The following HS6ST3 variants were observed in gnomAD, a reference collection of about 807,000 sequenced individuals.
The protein encoded by HS6ST3 is heparan-sulfate 6-O-sulfotransferase 3.
HS6ST3 carries 12 observed loss-of-function variants against 36.7 expected under a neutral mutation model. The ratio of observed to expected loss-of-function variants is 0.33; its 90% CI spans 0.21 to 0.53. The LOEUF is 0.53. Among genes scored for constraint, HS6ST3 ranks in the 20% least tolerant of loss-of-function variants. The probability of loss-of-function intolerance (pLI) is 0.95; values close to 1 mark genes in which losing one functional copy is unlikely to be tolerated. For missense variants in HS6ST3, 584 were observed against 640.9 expected (o/e 0.91, Z 0.96); for synonymous variants, 240 against 257.5 (o/e 0.93, Z 0.65).
chr13:96,333,870 C>T (rs980297732), intron 1 of HS6ST3, among the ~76,000 whole-genome samples: 1 of 152,024 alleles, frequency 6.6e-6, no homozygotes, highest in African/African-American at 2.4e-5. Context: ...GACAGGGTAA[C>T]AGCAAGCTGG....
At chr13:96,130,607 A>C in intron 1 of HS6ST3, among the ~76,000 whole-genome samples, 1 of 152,170 alleles carries the variant, frequency 6.6e-6, no homozygotes, top group Admixed American at 6.5e-5. Flanking sequence ...CTAACCAATC[A>C]TTGTGAACTT....
intron 1 of HS6ST3, among the ~76,000 whole-genome samples, chr13:96,614,021 G>A (rs955736496): frequency 2.0e-5 from 3 of 152,134 alleles, no homozygotes; most frequent in Non-Finnish European, 2.9e-5. Flanking sequence ...TTACTGGGCC[G>A]GGCGCGGTGG....
intron 1 of HS6ST3, among the ~76,000 whole-genome samples, chr13:96,637,048 C>A (rs1328196047): frequency 1.3e-5 from 2 of 151,484 alleles, no homozygotes; most frequent in African/African-American, 2.4e-5. Context: ...TAATTTCATC[C>A]TAGAAATTAT....
intron 1 of HS6ST3, among the ~76,000 whole-genome samples, chr13:96,406,170 A>G (rs922894628): frequency 6.6e-6 from 1 of 152,184 alleles, no homozygotes; most frequent in Non-Finnish European, 1.5e-5. Flanking sequence ...AGCATTTTCT[A>G]ATCAGTTTTA....
In HS6ST3 at chr13:96,509,477, C is replaced by T. The variant is rs72641864; in HGVS notation, c.708-323013C>T. Among the ~76,000 whole-genome samples the T allele has an allele frequency of 5.3e-3, 811 of 152,138 alleles. 7 individuals are homozygous for T. The highest frequency in any genetic ancestry group is 0.02 in the Middle Eastern group (6 of 294). ...GTCTTATAGAATGTTTATAGTTTCACGTCTTATATTTAAATCTTTGATCCA... is the reference window on the plus strand; with the variant it reads ...GTCTTATAGAATGTTTATAGTTTCATGTCTTATATTTAAATCTTTGATCCA... On this transcript the variant is annotated intron_variant, in intron 1 of 1. Coordinates refer to ENST00000376705, the MANE Select transcript of HS6ST3 (RefSeq NM_153456.4).
intron 1 of HS6ST3, among the ~76,000 whole-genome samples, chr13:96,275,398 G>C (rs1217654532): frequency 6.6e-6 from 1 of 152,070 alleles, no homozygotes; most frequent in Non-Finnish European, 1.5e-5. Flanking sequence ...GTTCATTTAT[G>C]TTTATACAAC....
chr13:96,324,284 A>G (rs1232168706), intron 1 of HS6ST3, among the ~76,000 whole-genome samples: 2 of 152,158 alleles, frequency 1.3e-5, no homozygotes, highest in Non-Finnish European at 2.9e-5. Flanking sequence ...TTTTTGGTAT[A>G]TTAAAGAATC....
At chr13:96,515,069 C>A (rs761399299) in intron 1 of HS6ST3, among the ~76,000 whole-genome samples, 1 of 152,218 alleles carries the variant, frequency 6.6e-6, no homozygotes, top group African/African-American at 2.4e-5. Context: ...TCTATGTGCA[C>A]CTTTGCCTGG....
chr13:96,344,876 A>G (rs1434045885), intron 1 of HS6ST3, among the ~76,000 whole-genome samples: 3 of 152,202 alleles, frequency 2.0e-5, no homozygotes, highest in South Asian at 2.1e-4. Context: ...ATCTTATGAC[A>G]TGATCTTGTA....
intron 1 of HS6ST3, among the ~76,000 whole-genome samples, chr13:96,705,728 A>G (rs1875402868): frequency 6.6e-6 from 1 of 152,144 alleles, no homozygotes; most frequent in Non-Finnish European, 1.5e-5. Context: ...GGAACCTCAC[A>G]GGCAAGCAAA....
Position 96,192,584 on chromosome 13 carries a change from G to A in HS6ST3, c.707+101015G>A, listed in dbSNP as rs189002822. ...TTTTCACTCTTTTTTTTATGGCTGT[G>A]TATATTCCATGGGATGGATATATAT... On this transcript the variant is annotated intron_variant, in intron 1 of 1. Coordinates refer to ENST00000376705, the MANE Select transcript of HS6ST3 (RefSeq NM_153456.4). Among the ~76,000 whole-genome samples the A allele has an allele frequency of 3.0e-3, 401 of 135,042 alleles. 4 individuals are homozygous for A. The highest frequency in any genetic ancestry group is 0.011 in the African/African-American group (394 of 35,492). The allele number at this position is 135,042 out of a possible 152,430, so 88.6% of individuals were successfully genotyped here.
At chr13:96,319,259 A>T (rs1259728424) in intron 1 of HS6ST3, among the ~76,000 whole-genome samples, 1 of 152,162 alleles carries the variant, frequency 6.6e-6, no homozygotes, top group Non-Finnish European at 1.5e-5. Context: ...AACTTATCAC[A>T]ATATTTAACT....
At chr13:96,637,615 G>A (rs2056554390) in intron 1 of HS6ST3, among the ~76,000 whole-genome samples, 1 of 151,946 alleles carries the variant, frequency 6.6e-6, no homozygotes, top group South Asian at 2.1e-4. Flanking sequence ...TTAAGAGCAA[G>A]GCCTTAGAAG....
chr13:96,545,595 AAG>A (rs1349509258), intron 1 of HS6ST3, among the ~76,000 whole-genome samples: 1 of 152,216 alleles, frequency 6.6e-6, no homozygotes, highest in Non-Finnish European at 1.5e-5. Context: ...ATAACTTCAG[AAG>A]AGAGAACCAA....
At chr13:96,722,735 G>C (rs1875880192) in intron 1 of HS6ST3, among the ~76,000 whole-genome samples, 1 of 152,170 alleles carries the variant, frequency 6.6e-6, no homozygotes, top group Non-Finnish European at 1.5e-5. Context: ...CCAGAACTTT[G>C]GGAGGCTGAG....
chr13:96,114,305 G>A (rs916507171), intron 1 of HS6ST3, among the ~76,000 whole-genome samples: 1 of 151,920 alleles, frequency 6.6e-6, no homozygotes, highest in African/African-American at 2.4e-5. Flanking sequence ...GGTTGTCACC[G>A]TGCCTGGCTA....
intron 1 of HS6ST3, among the ~76,000 whole-genome samples, chr13:96,485,436 A>G (rs1369581363): frequency 6.6e-6 from 1 of 152,156 alleles, no homozygotes; most frequent in African/African-American, 2.4e-5. Flanking sequence ...TTAATCTTGT[A>G]TCCTGCAACC....
chr13:96,576,078 G>T (rs2056319470), intron 1 of HS6ST3, among the ~76,000 whole-genome samples: 1 of 152,204 alleles, frequency 6.6e-6, no homozygotes. Flanking sequence ...TCTCCTGCCA[G>T]GAATGGGGGA....
chr13:96,467,173 T>G (rs2055818240), intron 1 of HS6ST3, among the ~76,000 whole-genome samples: 1 of 152,174 alleles, frequency 6.6e-6, no homozygotes, highest in African/African-American at 2.4e-5. Context: ...CCCAGCCTTG[T>G]TTTTTTCCTA....
Sources: gnomAD v4.1 joint callset for allele counts (sites outside exome capture counted in the v4.1 genomes callset) on GRCh38, gnomAD v4.1.1 for gene constraint, MANE v1.5 for transcripts, NCBI Gene and HGNC (gene_info 2026-07-23, HGNC 2026-07-21) for gene names.